TIAM2: variants seen among roughly 807,000 people sequenced by gnomAD.
TIAM2 encodes the protein TIAM Rac1 associated GEF 2, also known as rho guanine nucleotide exchange factor TIAM2.
Under a neutral mutation model 152.9 loss-of-function variants are expected in TIAM2, and 80 were observed. That is an observed-to-expected ratio of 0.52 (90% CI 0.44 to 0.63). The LOEUF is 0.63. Among genes scored for constraint, TIAM2 ranks in the 30% least tolerant of loss-of-function variants. The pLI is 0.00. For missense variants in TIAM2, 1,965 were observed against 2,120.1 expected (o/e 0.93, Z 1.44); for synonymous variants, 804 against 838.0 (o/e 0.96, Z 0.70).
At chr6:155,143,788 C>G (rs2115058910) in intron 5 of TIAM2, among the ~76,000 whole-genome samples, 1 of 152,196 alleles carries the variant, frequency 6.6e-6, no homozygotes, top group African/African-American at 2.4e-5. Context: ...GCGGTGGGAC[C>G]CCTGCAAGGA....
intron 22 of TIAM2, 128 bp downstream of exon 22, chr6:155,251,149 T>A: frequency 1.3e-6 from 1 of 755,338 alleles, no homozygotes; most frequent in East Asian, 2.5e-5. Flanking sequence ...GTTGGGGACT[T>A]AACAGGGCCA....
In TIAM2 at chr6:155,164,485, G is replaced by C; in HGVS notation, c.2099G>C (p.Ser700Thr). 6.2e-7 allele frequency: 1 copy of C among 1,614,144 alleles called. No homozygotes were observed. Among genetic ancestry groups the C allele is most frequent in the East Asian group, 2.2e-5 (1 of 44,878 alleles). ...TTCAGGATGCGCTGCTATCTGGCCA[G>C]CCTACAAGGTGGGGAGTTACCGAAC... is the stretch of plus-strand genomic sequence containing the variant. ...DLFRMRCYLA[S>T]LQGGELPNPK... Residue 700 changes from serine (S) to threonine (T), a missense_variant, in exon 8 of 27, where the codon AGC becomes ACC. Transcript: ENST00000682666.
intron 6 of TIAM2, among the ~76,000 whole-genome samples, chr6:155,145,336 C>T (rs187271430): frequency 1.3e-5 from 2 of 152,226 alleles, no homozygotes; most frequent in East Asian, 3.9e-4. Context: ...CATGGCGGTA[C>T]TGAGCCATCG....
chr6:155,028,874 CTAT>C (rs1562294683), intron 1 of TIAM2, among the ~76,000 whole-genome samples: 3 of 115,088 alleles, frequency 2.6e-5, no homozygotes, highest in Non-Finnish European at 1.7e-5. Flanking sequence ...ACTATCTATA[CTAT>C]GTTATATATA....
At chr6:155,136,283 A>G (rs902681074) in intron 4 of TIAM2, among the ~76,000 whole-genome samples, 1 of 150,568 alleles carries the variant, frequency 6.6e-6, no homozygotes, top group Non-Finnish European at 1.5e-5. Context: ...TATTATTGTT[A>G]TTATTTTTGA....
At chr6:155,133,859 A>G (rs1779498968) in intron 4 of TIAM2, among the ~76,000 whole-genome samples, 1 of 152,028 alleles carries the variant, frequency 6.6e-6, no homozygotes, top group Non-Finnish European at 1.5e-5. Flanking sequence ...TCCGGATTAC[A>G]GGCGTGTGCC....
intron 2 of TIAM2, among the ~76,000 whole-genome samples, chr6:155,103,430 G>A (rs1778591347): frequency 6.6e-6 from 1 of 151,660 alleles, no homozygotes; most frequent in Admixed American, 6.6e-5. Flanking sequence ...AAACCTAGAA[G>A]CAGGAATTAG....
chr6:155,057,902 A>G (rs1248071454), intron 1 of TIAM2, among the ~76,000 whole-genome samples: 1 of 152,182 alleles, frequency 6.6e-6, no homozygotes. Flanking sequence ...TAAGTTATCT[A>G]TAATTCTACA....
chr6:155,037,587 GGC>G, intron 1 of TIAM2, among the ~76,000 whole-genome samples: 1 of 152,220 alleles, frequency 6.6e-6, no homozygotes, highest in South Asian at 2.1e-4. Context: ...GGAGTGCAGT[GGC>G]GCAATCTCTG....
intron 1 of TIAM2, among the ~76,000 whole-genome samples, chr6:155,004,062 A>T (rs1778359559): frequency 6.6e-6 from 1 of 152,204 alleles, no homozygotes; most frequent in Non-Finnish European, 1.5e-5. Flanking sequence ...TTTTTAGTAG[A>T]GATGGGGTTT....
intron 26 of TIAM2, 30 bp downstream of exon 26, chr6:155,254,603 C>A (rs1015840959): frequency 1.2e-6 from 2 of 1,601,858 alleles, no homozygotes; most frequent in African/African-American, 1.3e-5. Flanking sequence ...TGTGTTTATT[C>A]AACAAAATAT....
intron 2 of TIAM2, among the ~76,000 whole-genome samples, chr6:155,119,671 C>T (rs1312928108): frequency 2.0e-5 from 3 of 152,318 alleles, no homozygotes; most frequent in Non-Finnish European, 2.9e-5. Context: ...TGGGACTCGT[C>T]GGAGCTTGGC....
At chr6:155,094,078 A>C (rs1184408793) in intron 2 of TIAM2, among the ~76,000 whole-genome samples, 3 of 152,146 alleles carry the variant, frequency 2.0e-5, no homozygotes, top group South Asian at 4.1e-4. Flanking sequence ...ATTTAAATTG[A>C]TTGCCTGCGT....
intron 1 of TIAM2, among the ~76,000 whole-genome samples, chr6:155,080,114 T>C (rs578244774): frequency 6.6e-6 from 1 of 152,312 alleles, no homozygotes; most frequent in Non-Finnish European, 1.5e-5. Context: ...CAAAGTAGCC[T>C]TCTGTCAAGT....
Position 155,252,978 on chromosome 6 carries a change from A to G in TIAM2, c.4150A>G (p.Thr1384Ala), listed in dbSNP as rs141401040. The G allele has an allele frequency of 9.3e-6, 15 of 1,613,804 alleles. No homozygotes were observed. The highest frequency in any genetic ancestry group is 1.3e-5 in the Non-Finnish European group (15 of 1,179,936). The change falls in exon 24 of 27, where the codon ACT becomes GCT. Residue 1384 changes from threonine (T) to alanine (A), a missense_variant. Physicochemically the swap from Thr to Ala is moderately conservative, Grantham distance 58. This residue lies in a region of TIAM2 where 935 missense variants were observed against 980.0 expected (regional missense o/e 0.95). Transcript: ENST00000682666. ...PSNSRPAHNSTDLDPFKFRWL... is the reference protein window; with the variant it reads ...PSNSRPAHNSADLDPFKFRWL... ...GAATTCCCGGCCTGCACACAACTCT[A>G]CTGACTTGGACCCATTTAAATTCCG...
chr6:155,217,153 G>A, intron 15 of TIAM2: 1 of 1,280,714 alleles, frequency 7.8e-7, no homozygotes, highest in Non-Finnish European at 1.0e-6. Context: ...AGGCATGCTT[G>A]CACGGTTTCC....
chr6:155,055,442 G>A (rs927546711), intron 1 of TIAM2, among the ~76,000 whole-genome samples: 9 of 152,166 alleles, frequency 5.9e-5, no homozygotes, highest in African/African-American at 2.2e-4. Flanking sequence ...ATCATGTTAT[G>A]TCTTCAGTCA....
intron 14 of TIAM2, among the ~76,000 whole-genome samples, chr6:155,199,187 TG>T (rs1361270293): frequency 6.6e-6 from 1 of 152,162 alleles, no homozygotes; most frequent in Admixed American, 6.5e-5. Flanking sequence ...GCGATTCTCC[TG>T]CCTCAGCCTC....
At chr6:155,232,707 G>A (rs1342780051) in intron 15 of TIAM2, 1 of 121,660 alleles carries the variant, frequency 8.2e-6, no homozygotes, top group Non-Finnish European at 1.9e-5. Context: ...TCGGCATGCG[G>A]AGGGAGAGGG....
Sources: gnomAD v4.1 joint callset for allele counts (sites outside exome capture counted in the v4.1 genomes callset) on GRCh38, gnomAD v4.1.1 for gene constraint, gnomAD v4.1.1 regional missense constraint, MANE v1.5 for transcripts, NCBI Gene and HGNC (gene_info 2026-07-23, HGNC 2026-07-21) for gene names.